The following NFX1 variants were observed in gnomAD, a reference collection of about 807,000 sequenced individuals.
NFX1 encodes transcriptional repressor NF-X1.
A neutral mutation model predicts 137.2 loss-of-function variants in NFX1; 69 were observed. That is an observed-to-expected ratio of 0.50 (90% confidence interval 0.41 to 0.61). NFX1 has a LOEUF of 0.61. Among genes scored for constraint, NFX1 ranks in the 20% least tolerant of loss-of-function variants. NFX1 has a pLI of 0.00. For synonymous variants in NFX1, 495 were observed against 474.1 expected, an observed-to-expected ratio of 1.04 and a Z score of -0.57; for missense variants, 1,167 against 1,391.0, an observed-to-expected ratio of 0.84 and a Z score of 2.56.
intron 22 of NFX1, among the ~76,000 whole-genome samples, chr9:33,367,090 C>T (rs12237401): frequency 0.25 from 37,810 of 152,258 alleles, 5,714 homozygotes; most frequent in East Asian, 0.4. Context: ...CTCCTTCTGT[C>T]TCCTGTTCCT....
In NFX1 at chr9:33,351,785, G is replaced by A. The variant is rs757001181; in HGVS notation, c.2650G>A (p.Ala884Thr). 4 of 1,576,274 alleles carry A rather than the reference G, an allele frequency of 2.5e-6. No individual in the cohort carries two copies. The highest frequency in any genetic ancestry group is 1.2e-5 in the South Asian group (1 of 84,068). Reference protein sequence around the residue: ...SSPCPVTACKAKVELQCECGR... With the variant: ...SSPCPVTACKTKVELQCECGR... ...ACCCTGCCCTGTGACTGCTTGTAAA[G>A]CTAAGGTGGGTATTTCTGGCCACAG... Residue 884 changes from alanine (A) to threonine (T), a missense_variant, in exon 16 of 24, where the codon GCT becomes ACT. Physicochemically the swap from Ala to Thr is moderately conservative, Grantham distance 58 (BLOSUM62 0). Around this residue, in one of 3 missense-constraint regions of NFX1, gnomAD observed 312 missense variants for 312.8 expected, o/e 1.00. Coordinates refer to ENST00000379540, the MANE Select transcript of NFX1 (RefSeq NM_002504.6).
intron 19 of NFX1, among the ~76,000 whole-genome samples, chr9:33,357,255 TGGTG>T (rs1432346133): frequency 3.3e-5 from 5 of 152,036 alleles, no homozygotes; most frequent in Non-Finnish European, 7.4e-5. Context: ...TGAGCCGAGA[TGGTG>T]CCACTGCACT....
rs565958313 is a variant in NFX1 at position 33,334,463 on chromosome 9, TA to T, written c.2035+1965del. 4.0e-3 allele frequency among the ~76,000 whole-genome samples: 613 copies of T among 152,008 alleles called. 2 individuals are homozygous for T. Among genetic ancestry groups the T allele is most frequent in the Non-Finnish European group, 7.0e-3 (477 of 67,964 alleles). On this transcript the variant is annotated intron_variant, in intron 11 of 23. Transcript: ENST00000379540. ...GAGCGAGACCCTATCTCTAAAACAATAAAACAAAATAATAAAAACATAATTT... is the reference window on the plus strand; with the variant it reads ...GAGCGAGACCCTATCTCTAAAACAATAAACAAAATAATAAAAACATAATTT...
At chr9:33,369,862 C>A (rs1419654526) in intron 23 of NFX1, 44 bp from the exon 24 acceptor site, 1 of 1,412,474 alleles carries the variant, frequency 7.1e-7, no homozygotes, top group Non-Finnish European at 1.0e-6. Context: ...GTATCTGTTT[C>A]CCCCAAAGAA....
intron 9 of NFX1, among the ~76,000 whole-genome samples, chr9:33,325,859 G>GA (rs1822565979): frequency 6.6e-6 from 1 of 151,998 alleles, no homozygotes; most frequent in Non-Finnish European, 1.5e-5. Flanking sequence ...AAAAGACAAA[G>GA]AGCACTAGTA....
At chr9:33,330,553 A>G (rs1822767684) in intron 10 of NFX1, among the ~76,000 whole-genome samples, 1 of 152,230 alleles carries the variant, frequency 6.6e-6, no homozygotes, top group African/African-American at 2.4e-5. Flanking sequence ...TGATTTGGCA[A>G]TCATAAATTT....
chr9:33,369,438 G>A (rs1456268757), intron 23 of NFX1, among the ~76,000 whole-genome samples: 2 of 152,176 alleles, frequency 1.3e-5, no homozygotes, highest in East Asian at 3.8e-4. Flanking sequence ...ATGTTTTAGA[G>A]TAGAGAGAAT....
intron 15 of NFX1, chr9:33,348,686 G>A (rs1823524750): frequency 1.1e-6 from 1 of 926,720 alleles, no homozygotes; most frequent in South Asian, 5.0e-5. Context: ...TGTAAAAAAT[G>A]TGATATCTAT....
intron 2 of NFX1, 56 bp downstream of exon 2, chr9:33,295,483 T>G: frequency 6.7e-7 from 1 of 1,495,420 alleles, no homozygotes; most frequent in Non-Finnish European, 9.0e-7. Context: ...AATTTTTAAA[T>G]AAGTCATATA....
intron 14 of NFX1, among the ~76,000 whole-genome samples, chr9:33,346,671 A>G (rs954550707): frequency 3.9e-5 from 6 of 152,212 alleles, no homozygotes; most frequent in Non-Finnish European, 2.9e-5. Context: ...TTTAGATGGA[A>G]TTAATAGCAA....
At chr9:33,368,119 C>T (rs2118712090) in intron 23 of NFX1, among the ~76,000 whole-genome samples, 1 of 152,184 alleles carries the variant, frequency 6.6e-6, no homozygotes, top group Non-Finnish European at 1.5e-5. Flanking sequence ...CCTGTAAACA[C>T]AGCTACTTGG....
At chr9:33,295,858 TATC>T (rs987420721) in intron 2 of NFX1, among the ~76,000 whole-genome samples, 2 of 152,200 alleles carry the variant, frequency 1.3e-5, no homozygotes, top group African/African-American at 4.8e-5. Flanking sequence ...TAACTGGTCT[TATC>T]ATCTCTTAAT....
chr9:33,341,629 CTTA>C (rs1244649653), intron 12 of NFX1, among the ~76,000 whole-genome samples: 6 of 152,124 alleles, frequency 3.9e-5, no homozygotes, highest in Admixed American at 2.0e-4. Flanking sequence ...AAGACTTCCT[CTTA>C]TTATAAAAAA....
At chr9:33,319,908 G>A (rs1267776705) in intron 9 of NFX1, among the ~76,000 whole-genome samples, 4 of 152,028 alleles carry the variant, frequency 2.6e-5, no homozygotes, top group Non-Finnish European at 5.9e-5. Flanking sequence ...CTGAGGATAC[G>A]AGGATAGCAC....
At chr9:33,334,158 G>A (rs2118509971) in intron 11 of NFX1, among the ~76,000 whole-genome samples, 1 of 151,944 alleles carries the variant, frequency 6.6e-6, no homozygotes, top group East Asian at 1.9e-4. Context: ...AAAGAAACAA[G>A]AAAAACATAA....
At chr9:33,328,262 C>T (rs1201001375) in intron 9 of NFX1, among the ~76,000 whole-genome samples, 3 of 151,474 alleles carry the variant, frequency 2.0e-5, no homozygotes, top group South Asian at 2.1e-4. Flanking sequence ...TGGGGTCAAG[C>T]GATCCTCCCA....
chr9:33,325,068 G>A (rs1224359119), intron 9 of NFX1, among the ~76,000 whole-genome samples: 2 of 151,974 alleles, frequency 1.3e-5, no homozygotes, highest in Non-Finnish European at 2.9e-5. Flanking sequence ...GAGGAGGAGA[G>A]TAGAAAGAAG....
chr9:33,312,952 A>C (rs1822016439), intron 6 of NFX1, among the ~76,000 whole-genome samples: 1 of 152,220 alleles, frequency 6.6e-6, no homozygotes, highest in Admixed American at 6.5e-5. Context: ...AACTAGAATT[A>C]GCTTATTTCC....
chr9:33,318,169 T>C (rs7024137), intron 7 of NFX1, among the ~76,000 whole-genome samples: 8,522 of 152,272 alleles, frequency 0.056, 263 homozygotes, highest in East Asian at 0.095. Flanking sequence ...TTAGATCTTA[T>C]ACTCTCATGC....
Sources: gnomAD v4.1 joint callset for allele counts (sites outside exome capture counted in the v4.1 genomes callset) on GRCh38, gnomAD v4.1.1 for gene constraint, gnomAD v4.1.1 regional missense constraint, MANE v1.5 for transcripts, NCBI Gene and HGNC (gene_info 2026-07-23, HGNC 2026-07-21) for gene names.